Variants in LANCL1 observed in about 807,000 individuals in gnomAD.
LANCL1 encodes glutathione S-transferase LANCL1.
In LANCL1, 50 loss-of-function variants were observed where a neutral mutation model predicts 50.6. The ratio of observed to expected loss-of-function variants is 0.99; its 90% confidence interval spans 0.79 to 1.25. LANCL1 has a LOEUF of 1.25. Among genes scored for constraint, LANCL1 ranks in the 50% most tolerant of loss-of-function variants. The probability of loss-of-function intolerance (pLI) is 0.00; values close to 1 mark genes in which losing one functional copy is unlikely to be tolerated. For synonymous variants in LANCL1, 188 were observed against 178.6 expected (o/e 1.05, Z -0.42); for missense variants, 532 against 480.7 (o/e 1.11, Z -1.00).
intron 3 of LANCL1, among the ~76,000 whole-genome samples, chr2:210,461,541 A>G (rs973836181): frequency 2.0e-5 from 3 of 152,224 alleles, no homozygotes; most frequent in African/African-American, 7.2e-5. Context: ...TCAGAGGAAC[A>G]GCATCTTGAA....
intron 4 of LANCL1, among the ~76,000 whole-genome samples, chr2:210,443,080 T>A (rs904792834): frequency 6.6e-6 from 1 of 152,110 alleles, no homozygotes; most frequent in Non-Finnish European, 1.5e-5. Context: ...CCCAGATGCA[T>A]GCATAGTCAT....
intron 3 of LANCL1, among the ~76,000 whole-genome samples, chr2:210,457,150 CCT>C (rs1161955163): frequency 6.6e-6 from 1 of 152,086 alleles, no homozygotes; most frequent in Non-Finnish European, 1.5e-5. Flanking sequence ...GTCTACATTC[CCT>C]GTCACAGAAC....
chr2:210,441,211 T>C (rs1352698583), intron 5 of LANCL1, 97 bp downstream of exon 5: 3 of 1,216,678 alleles, frequency 2.5e-6, no homozygotes, highest in Middle Eastern at 2.1e-4. Context: ...TTCCTTTATA[T>C]GGAATGTGCT....
rs756240762 is a variant in LANCL1, at chr2:210,437,860, C to A, written c.703G>T (p.Val235Leu). The change falls in exon 7 of 10, where the codon GTG becomes TTG. Residue 235 changes from valine (V) to leucine (L), a missense_variant. Physicochemically the swap from Val to Leu is conservative, Grantham distance 32 (BLOSUM62 1). Coordinates refer to ENST00000450366, the MANE Select transcript of LANCL1 (RefSeq NM_006055.3). Reference protein sequence around the residue: ...YYYLMQPSLQVSQGKLHSLVK... With the variant: ...YYYLMQPSLQLSQGKLHSLVK... ...AAACTATGTAACTTCCCTTGGCTCACTTGAAGGCTGGGCTAAAAATGAGAA... is the reference window on the plus strand; with the variant it reads ...AAACTATGTAACTTCCCTTGGCTCAATTGAAGGCTGGGCTAAAAATGAGAA... The A allele has an allele frequency of 6.3e-7, 1 of 1,589,286 alleles. No homozygotes were observed. The highest frequency in any genetic ancestry group is 2.3e-5 in the East Asian group (1 of 43,924).
In LANCL1 at chr2:210,437,742, TG is replaced by T; in HGVS notation, c.820del (p.His274IlefsTer9). The T allele has an allele frequency of 6.2e-7, 1 of 1,611,594 alleles. No individual in the cohort carries two copies. The highest frequency in any genetic ancestry group is 8.5e-7 in the Non-Finnish European group (1 of 1,178,878). On this transcript the variant is annotated frameshift_variant, in exon 7 of 10. Transcript: ENST00000450366. LOFTEE classifies it high-confidence loss of function. The part of the protein sequence containing the change: ...CIGDNRDLLV[H>X]WCHGAPGVIY... Reference sequence around the variant, plus strand: ...TACCCCAGGGGCGCCATGGCACCAATGGACAAGCAGATCTCGATTATCACCT... The same window carrying T: ...TACCCCAGGGGCGCCATGGCACCAATGACAAGCAGATCTCGATTATCACCT...
At chr2:210,462,372 T>C (rs1435415180) in intron 3 of LANCL1, among the ~76,000 whole-genome samples, 1 of 152,244 alleles carries the variant, frequency 6.6e-6, no homozygotes, top group East Asian at 1.9e-4. Context: ...AACAACTCAA[T>C]GCTTATTGCA....
chr2:210,455,844 T>C (rs1241698791), intron 3 of LANCL1, among the ~76,000 whole-genome samples: 1 of 150,110 alleles, frequency 6.7e-6, no homozygotes, highest in Non-Finnish European at 1.5e-5. Flanking sequence ...AGGTAGTTAA[T>C]GTAACCAAAT....
intron 7 of LANCL1, among the ~76,000 whole-genome samples, chr2:210,437,434 G>A (rs1692971959): frequency 6.6e-6 from 1 of 152,126 alleles, no homozygotes; most frequent in African/African-American, 2.4e-5. Context: ...ACACCTAGGA[G>A]TGGAATTGCT....
intron 3 of LANCL1, chr2:210,469,055 T>C (rs1429491497): frequency 6.6e-6 from 1 of 152,224 alleles, no homozygotes; most frequent in African/African-American, 2.4e-5. Flanking sequence ...AGTTTTCTCA[T>C]GCTGAACAAA....
At chr2:210,446,690 A>G (rs541195894) in intron 4 of LANCL1, among the ~76,000 whole-genome samples, 2 of 152,176 alleles carry the variant, frequency 1.3e-5, no homozygotes, top group African/African-American at 4.8e-5. Flanking sequence ...AAAACACAGC[A>G]TGAGAGCTTT....
rs573716588 is a variant in LANCL1 at position 210,448,064 on chromosome 2, A to G, written c.408-6621T>C. ...CAACAGAATGTACATTCTTCTCAGC[A>G]CCACATCACACTTATTCTAAACTTG... On this transcript the variant is annotated intron_variant, in intron 4 of 9. Transcript: ENST00000450366. 3.3e-5 allele frequency among the ~76,000 whole-genome samples: 5 copies of G among 152,332 alleles called. No individual in the cohort carries two copies. In the South Asian group the frequency reaches 1.0e-3, roughly 32 times the overall value.
intron 4 of LANCL1, among the ~76,000 whole-genome samples, chr2:210,452,468 C>A (rs1693539870): frequency 6.6e-6 from 1 of 152,054 alleles, no homozygotes; most frequent in African/African-American, 2.4e-5. Flanking sequence ...GGCAGTAGAA[C>A]AAATTAATGC....
chr2:210,436,069 T>G (rs1201291093), intron 8 of LANCL1, 147 bp downstream of exon 8: 5 of 607,514 alleles, frequency 8.2e-6, no homozygotes, highest in Non-Finnish European at 1.4e-5. Flanking sequence ...ACCTGGCTAA[T>G]TTTTTGTCAT....
chr2:210,451,862 A>C (rs1477330006), intron 4 of LANCL1, among the ~76,000 whole-genome samples: 1 of 152,224 alleles, frequency 6.6e-6, no homozygotes, highest in African/African-American at 2.4e-5. Flanking sequence ...TGAAAGGAAC[A>C]AAGTTTTGAT....
At chr2:210,447,323 C>A (rs1693373847) in intron 4 of LANCL1, among the ~76,000 whole-genome samples, 1 of 152,122 alleles carries the variant, frequency 6.6e-6, no homozygotes, top group African/African-American at 2.4e-5. Flanking sequence ...TTTGTCATCA[C>A]CAGGCCTGCC....
At chr2:210,436,936 A>C (rs1692951079) in intron 7 of LANCL1, among the ~76,000 whole-genome samples, 2 of 152,076 alleles carry the variant, frequency 1.3e-5, no homozygotes, top group Non-Finnish European at 2.9e-5. Context: ...AAGTAGGATA[A>C]GGCAGTTTAA....
intron 4 of LANCL1, among the ~76,000 whole-genome samples, chr2:210,454,246 ACACACACACACACACG>A (rs1293083329): frequency 7.3e-5 from 8 of 109,802 alleles, no homozygotes; most frequent in Admixed American, 1.8e-4. Context: ...ACACACACAC[ACACACACACACACACG>A]CCTAAACAAT....
intron 4 of LANCL1, among the ~76,000 whole-genome samples, chr2:210,451,364 C>G (rs1371145382): frequency 6.6e-6 from 1 of 152,076 alleles, no homozygotes; most frequent in East Asian, 1.9e-4. Context: ...AGGATAAATA[C>G]TTAATGTAGA....
chr2:210,435,185 G>T (rs1692884060), intron 9 of LANCL1, among the ~76,000 whole-genome samples: 2 of 152,120 alleles, frequency 1.3e-5, no homozygotes, highest in South Asian at 4.2e-4. Flanking sequence ...CCATAAAAGG[G>T]AGTCACCTGA....
Sources: gnomAD v4.1 joint callset for allele counts (sites outside exome capture counted in the v4.1 genomes callset) on GRCh38, gnomAD v4.1.1 for gene constraint, MANE v1.5 for transcripts, NCBI Gene and HGNC (gene_info 2026-07-23, HGNC 2026-07-21) for gene names.